Variants in GINS3 observed in about 807,000 individuals in gnomAD.
The protein encoded by GINS3 is GINS complex subunit 3.
A neutral mutation model predicts 20.0 loss-of-function variants in GINS3; 18 were observed. The observed-to-expected ratio is 0.90, with a 90% CI of 0.62 to 1.33. The LOEUF (loss-of-function observed/expected upper bound fraction) is 1.33. Among genes scored for constraint, GINS3 ranks in the 40% most tolerant of loss-of-function variants. The pLI is 0.00. For missense variants in GINS3, 254 were observed against 273.6 expected (o/e 0.93, Z 0.51); for synonymous variants, 109 against 107.0 (o/e 1.02, Z -0.12).
At chr16:58,403,954 T>C (rs1596962829) in intron 2 of GINS3, 2 of 159,140 alleles carry the variant, frequency 1.3e-5, no homozygotes, top group Non-Finnish European at 2.8e-5. Flanking sequence ...CCTGTAAGAA[T>C]TGATGGAGAT....
chr16:58,399,090 G>T (rs1226774028), intron 1 of GINS3, among the ~76,000 whole-genome samples: 1 of 151,794 alleles, frequency 6.6e-6, no homozygotes, highest in Non-Finnish European at 1.5e-5. Context: ...GAGGTGAGAG[G>T]ATCACTTGAG....
chr16:58,397,749 T>A (rs1279884037), intron 1 of GINS3, among the ~76,000 whole-genome samples: 1 of 151,764 alleles, frequency 6.6e-6, no homozygotes, highest in Non-Finnish European at 1.5e-5. Flanking sequence ...TGAGCCGAGA[T>A]GGCAGCAGTA....
intron 1 of GINS3, chr16:58,395,250 A>ATT: frequency 4.0e-5 from 9 of 227,478 alleles, no homozygotes; most frequent in African/African-American, 6.0e-5. Context: ...TAATTTTTGT[A>ATT]TTTTTTTTTT....
At position 58,392,471 on chromosome 16, in the gene GINS3, A is replaced by G. The variant is rs1965789681; in HGVS notation, c.-131A>G. 9.8e-7 allele frequency: 1 copy of G among 1,019,734 alleles called. No homozygotes were observed. The highest frequency in any genetic ancestry group is 1.6e-5 in the South Asian group (1 of 61,766). 63.2% of individuals were successfully genotyped at this position (1,019,734 alleles called of 1,614,324 possible). ...TGTCTGATGCGTCCCCGGGCGCGGG[A>G]AACGAGTTTCAATCCACTTTCCTGA... is the stretch of plus-strand genomic sequence containing the variant. On this transcript the variant is annotated 5_prime_UTR_variant, in exon 1 of 3. Transcript: ENST00000318129.
intron 1 of GINS3, 110 bp from the exon 2 acceptor site, chr16:58,402,988 C>T: frequency 1.2e-6 from 1 of 821,330 alleles, no homozygotes; most frequent in Middle Eastern, 3.2e-4. Context: ...ACAGCCACTC[C>T]CCCAAAGAGA....
chr16:58,394,639 G>A (rs772539955), intron 1 of GINS3, among the ~76,000 whole-genome samples: 1 of 152,182 alleles, frequency 6.6e-6, no homozygotes, highest in Non-Finnish European at 1.5e-5. Context: ...AAGCCACCTC[G>A]CCCAGCCTTC....
chr16:58,401,460 C>T (rs2151494699), intron 1 of GINS3, among the ~76,000 whole-genome samples: 1 of 152,236 alleles, frequency 6.6e-6, no homozygotes, highest in East Asian at 1.9e-4. Context: ...CCTTATTTGG[C>T]CCCACCCACA....
Position 58,404,521 on chromosome 16 carries a change from G to T in GINS3, c.443G>T (p.Arg148Leu). ...LLQTFIGRFRRIMDSSQNAYN... is the reference protein window; with the variant it reads ...LLQTFIGRFRLIMDSSQNAYN... ...CAGACTTTTATCGGACGTTTTCGCC[G>T]CATCATGGACTCCTCACAGAATGCT... is the stretch of plus-strand genomic sequence containing the variant. Residue 148 changes from arginine (R) to leucine (L), a missense_variant, in exon 3 of 3, where the codon CGC (arginine) becomes CTC (leucine). By Grantham distance (102) the Arg-to-Leu change is moderately radical. Transcript: ENST00000318129. 2 of 1,613,910 alleles carry T rather than the reference G, an allele frequency of 1.2e-6. No individual in the cohort carries two copies. The highest frequency in any genetic ancestry group is 1.7e-6 in the Non-Finnish European group (2 of 1,179,866).
chr16:58,395,991 C>T (rs1194689511), intron 1 of GINS3, among the ~76,000 whole-genome samples: 2 of 145,002 alleles, frequency 1.4e-5, no homozygotes, highest in African/African-American at 5.2e-5. Context: ...CCGGACAGGG[C>T]GGCTGGCTGG....
chr16:58,392,862 A>T lies in GINS3; in HGVS notation c.186+75A>T. On this transcript the variant is annotated intron_variant, in intron 1 of 2. Coordinates refer to ENST00000318129, the MANE Select transcript of GINS3 (RefSeq NM_022770.4). ...GGGCCCCTCGGCCCTGGGACGCCGC[A>T]TCGGGGCGCGCTGCCCTTTGGGATT... is the stretch of plus-strand genomic sequence containing the variant. 1.7e-5 allele frequency: 24 copies of T among 1,396,548 alleles called. No individual in the cohort carries two copies. In the South Asian group the frequency reaches 3.3e-4, roughly 19 times the overall value. The allele number at this position is 1,396,548 out of a possible 1,614,324, so 86.5% of individuals were successfully genotyped here.
At chr16:58,393,919 C>G (rs540004031) in intron 1 of GINS3, among the ~76,000 whole-genome samples, 77 of 152,090 alleles carry the variant, frequency 5.1e-4, no homozygotes, top group Non-Finnish European at 8.2e-4. Context: ...CTTCCCCCTC[C>G]AAGTCCACAG....
At chr16:58,395,076 ATT>A (rs56933339) in intron 1 of GINS3, 18,005 of 441,266 alleles carry the variant, frequency 0.041, 3 homozygotes, top group Middle Eastern at 0.062. Flanking sequence ...ATTTTATCTA[ATT>A]TTTTTTTTTT....
chr16:58,396,528 A>C (rs1596956310), intron 1 of GINS3, among the ~76,000 whole-genome samples: 2 of 33,672 alleles, frequency 5.9e-5, no homozygotes, highest in African/African-American at 1.7e-4. Flanking sequence ...TGACCCCCCC[A>C]CCTCCCTCCC....
intron 2 of GINS3, 172 bp from the exon 3 acceptor site, chr16:58,404,327 G>T: frequency 1.6e-6 from 1 of 606,420 alleles, no homozygotes; most frequent in South Asian, 2.1e-5. Flanking sequence ...GGAAATTGAG[G>T]CATGGCAATG....
At chr16:58,398,064 A>G (rs962632499) in intron 1 of GINS3, among the ~76,000 whole-genome samples, 1 of 151,556 alleles carries the variant, frequency 6.6e-6, no homozygotes, top group African/African-American at 2.4e-5. Context: ...TCTCTTTTGT[A>G]CCTTTGTTTT....
rs1966011240 is a variant in GINS3 at position 58,405,037 on chromosome 16, T to C, written c.*308T>C. On this transcript the variant is annotated 3_prime_UTR_variant, in exon 3 of 3. Transcript: ENST00000318129. ...TGCCATATAATATATCACAGTAGAGTTGCAACTGAGATTCCTTGTGTCTGG... is the reference window on the plus strand; with the variant it reads ...TGCCATATAATATATCACAGTAGAGCTGCAACTGAGATTCCTTGTGTCTGG... 1.0e-5 allele frequency: 3 copies of C among 287,598 alleles called. No individual in the cohort carries two copies. Among genetic ancestry groups the C allele is most frequent in the South Asian group, 5.3e-5 (1 of 18,788 alleles). 17.8% of individuals were successfully genotyped at this position (287,598 alleles called of 1,614,324 possible).
rs981005940 is a variant in GINS3 at position 58,404,824 on chromosome 16, C to G, written c.*95C>G. On this transcript the variant is annotated 3_prime_UTR_variant, in exon 3 of 3. Coordinates refer to ENST00000318129, the MANE Select transcript of GINS3 (RefSeq NM_022770.4). ...ACCTTGTACAGAACCAGAATCCTGT[C>G]CCATTTCATGGCTTATTTCCTGTGG... 1.1e-5 allele frequency: 9 copies of G among 838,506 alleles called. No individual in the cohort carries two copies. In the Admixed American group the frequency reaches 1.6e-4, roughly 15 times the overall value. The allele number at this position is 838,506 out of a possible 1,614,324, so 51.9% of individuals were successfully genotyped here. A position where few individuals can be genotyped will look rare whatever the true frequency, so the allele number is the denominator to read the frequency against.
intron 1 of GINS3, among the ~76,000 whole-genome samples, chr16:58,397,816 AC>A (rs1446951363): frequency 6.6e-6 from 1 of 151,594 alleles, no homozygotes; most frequent in Non-Finnish European, 1.5e-5. Flanking sequence ...GGAGAGGGAG[AC>A]CGTGGGGAGA....
At chr16:58,398,008 A>T (rs1006590573) in intron 1 of GINS3, among the ~76,000 whole-genome samples, 1 of 151,990 alleles carries the variant, frequency 6.6e-6, no homozygotes, top group African/African-American at 2.4e-5. Flanking sequence ...GAGTCTATCA[A>T]TTTTTTTATT....
Sources: allele counts gnomAD v4.1 joint callset (sites outside exome capture counted in the v4.1 genomes callset), GRCh38; gene constraint gnomAD v4.1.1; transcripts MANE v1.5; gene names NCBI Gene and HGNC (gene_info 2026-07-23, HGNC 2026-07-21).